KIAA1328: variants seen among roughly 807,000 people sequenced by gnomAD.
KIAA1328 encodes KIAA1328.
A neutral mutation model predicts 68.1 loss-of-function variants in KIAA1328; 52 were observed. That is an observed-to-expected ratio of 0.76 (90% CI 0.61 to 0.96). The LOEUF (loss-of-function observed/expected upper bound fraction) is 0.96. Ranked by LOEUF, KIAA1328 falls within the 40% of genes least tolerant of loss-of-function variation. KIAA1328 has a pLI of 0.00. For missense variants in KIAA1328, 641 were observed against 677.6 expected (o/e 0.95, Z 0.60); for synonymous variants, 232 against 239.4 (o/e 0.97, Z 0.28).
At chr18:36,831,641 A>G (rs1794842363) in intron 1 of KIAA1328, among the ~76,000 whole-genome samples, 1 of 152,214 alleles carries the variant, frequency 6.6e-6, no homozygotes, top group South Asian at 2.1e-4. Flanking sequence ...ACATTGCAGT[A>G]TAATCTCTGC....
intron 6 of KIAA1328, among the ~76,000 whole-genome samples, chr18:36,980,180 C>A (rs1292239642): frequency 2.0e-5 from 3 of 152,114 alleles, no homozygotes; most frequent in African/African-American, 7.2e-5. Context: ...ATAAATTTCT[C>A]TTTTTTTATA....
intron 7 of KIAA1328, among the ~76,000 whole-genome samples, chr18:37,098,853 T>C (rs2057503065): frequency 6.6e-6 from 1 of 152,246 alleles, no homozygotes; most frequent in Admixed American, 6.5e-5. Context: ...TTTTCTAGTT[T>C]ATTTGTGTAG....
intron 5 of KIAA1328, among the ~76,000 whole-genome samples, chr18:36,934,961 A>G (rs554718492): frequency 3.1e-4 from 47 of 152,274 alleles, no homozygotes; most frequent in African/African-American, 1.1e-3. Context: ...AAAACCAATC[A>G]CTGTGATCTT....
At chr18:37,047,574 A>G (rs1384804303) in intron 6 of KIAA1328, among the ~76,000 whole-genome samples, 2 of 152,172 alleles carry the variant, frequency 1.3e-5, no homozygotes, top group African/African-American at 4.8e-5. Flanking sequence ...CCACTCTGCC[A>G]GAAATGTCCT....
intron 5 of KIAA1328, among the ~76,000 whole-genome samples, chr18:36,891,322 A>G (rs2048678569): frequency 6.6e-6 from 1 of 152,198 alleles, no homozygotes; most frequent in Non-Finnish European, 1.5e-5. Context: ...TTATTTCACT[A>G]GTTTTTGAGG....
chr18:36,995,606 G>A (rs957313198), intron 6 of KIAA1328, among the ~76,000 whole-genome samples: 2 of 152,146 alleles, frequency 1.3e-5, no homozygotes, highest in South Asian at 2.1e-4. Flanking sequence ...AAATTCAACA[G>A]AGAAGAATTA....
At chr18:37,156,468 C>T (rs2059155978) in intron 7 of KIAA1328, among the ~76,000 whole-genome samples, 1 of 146,922 alleles carries the variant, frequency 6.8e-6, no homozygotes, top group African/African-American at 2.5e-5. Flanking sequence ...GGAACGAGGG[C>T]TTTCTCATGT....
intron 7 of KIAA1328, among the ~76,000 whole-genome samples, chr18:37,134,038 G>A (rs1363211301): frequency 2.0e-5 from 3 of 151,002 alleles, no homozygotes; most frequent in Non-Finnish European, 4.4e-5. Flanking sequence ...TTTTGAGATG[G>A]AGTCTTGCTC....
intron 6 of KIAA1328, among the ~76,000 whole-genome samples, chr18:37,061,909 A>C (rs1326307057): frequency 6.6e-6 from 1 of 152,182 alleles, no homozygotes; most frequent in Non-Finnish European, 1.5e-5. Context: ...CAGTGCATAC[A>C]GAGTGATAAA....
chr18:37,154,484 C>G (rs916363786), intron 7 of KIAA1328, among the ~76,000 whole-genome samples: 8 of 152,152 alleles, frequency 5.3e-5, no homozygotes, highest in African/African-American at 1.9e-4. Context: ...CATCCTTTTC[C>G]ATCCTTTGTT....
intron 7 of KIAA1328, among the ~76,000 whole-genome samples, chr18:37,073,964 A>G (rs1195771747): frequency 6.6e-6 from 1 of 152,120 alleles, no homozygotes; most frequent in African/African-American, 2.4e-5. Flanking sequence ...TTTTCAGTTT[A>G]TGGTGTGAGA....
chr18:36,959,817 G>A (rs541926776), intron 6 of KIAA1328, among the ~76,000 whole-genome samples: 21 of 152,316 alleles, frequency 1.4e-4, no homozygotes, highest in Middle Eastern at 6.8e-3. Flanking sequence ...TTAGAATAAT[G>A]AAAGTTAATT....
intron 7 of KIAA1328, among the ~76,000 whole-genome samples, chr18:37,080,191 T>A (rs753700967): frequency 6.6e-6 from 1 of 152,176 alleles, no homozygotes; most frequent in Non-Finnish European, 1.5e-5. Context: ...TAGTTTGAGA[T>A]CTTTCCAGAA....
intron 5 of KIAA1328, among the ~76,000 whole-genome samples, chr18:36,900,087 A>C (rs2151027940): frequency 6.6e-6 from 1 of 152,080 alleles, no homozygotes; most frequent in South Asian, 2.1e-4. Context: ...TTACCACTAT[A>C]TACTTTCATT....
intron 6 of KIAA1328, among the ~76,000 whole-genome samples, chr18:36,968,582 C>T (rs1433227647): frequency 1.3e-5 from 2 of 152,050 alleles, no homozygotes; most frequent in Non-Finnish European, 2.9e-5. Context: ...AACATGAAAA[C>T]CTAATTAGCC....
chr18:37,047,553 A>G (rs892436713), intron 6 of KIAA1328, among the ~76,000 whole-genome samples: 10 of 152,164 alleles, frequency 6.6e-5, no homozygotes, highest in Admixed American at 2.0e-4. Context: ...CCTGTCTTCA[A>G]CTAATATTTT....
chr18:37,051,156 G>A (rs564364017), intron 6 of KIAA1328, among the ~76,000 whole-genome samples: 4 of 151,590 alleles, frequency 2.6e-5, no homozygotes, highest in Middle Eastern at 3.4e-3. Context: ...CAACTTTCAC[G>A]AAATGTAGTA....
chr18:37,054,676 G>A lies in KIAA1328; in HGVS notation c.577-12214G>A, dbSNP rs1306357801. ...GGGACTCCAAAATGGGAGTGGAAGA[G>A]TGGGGAAAAGGGTTGTAAAAGCTGC... On this transcript the variant is annotated intron_variant, in intron 6 of 9. Transcript: ENST00000280020. 2.0e-5 allele frequency among the ~76,000 whole-genome samples: 3 copies of A among 152,310 alleles called. No homozygotes were observed. In the East Asian group the frequency reaches 5.8e-4, roughly 29 times the overall value.
intron 5 of KIAA1328, among the ~76,000 whole-genome samples, chr18:36,939,351 G>A (rs1461802398): frequency 6.6e-6 from 1 of 151,782 alleles, no homozygotes. Context: ...TATTTTTTAT[G>A]CTATTGTGAA....
Sources: gnomAD v4.1 joint callset for allele counts (sites outside exome capture counted in the v4.1 genomes callset) on GRCh38, gnomAD v4.1.1 for gene constraint, MANE v1.5 for transcripts, NCBI Gene and HGNC (gene_info 2026-07-23, HGNC 2026-07-21) for gene names.